CNRIP1: variants seen among roughly 807,000 people sequenced by gnomAD.
CNRIP1 encodes the protein CB1 cannabinoid receptor-interacting protein 1.
Under a neutral mutation model 15.2 loss-of-function variants are expected in CNRIP1, and 10 were observed. The ratio of observed to expected loss-of-function variants is 0.66; its 90% CI spans 0.41 to 1.12. CNRIP1 has a LOEUF of 1.12. CNRIP1 is among the 50% of genes most tolerant of loss of function. The pLI, the probability that CNRIP1 is intolerant of heterozygous loss-of-function variation, is 0.00. For synonymous variants in CNRIP1, 91 were observed against 83.2 expected (o/e 1.09, Z -0.51); for missense variants, 211 against 214.7 (o/e 0.98, Z 0.11).
At chr2:68,306,750 C>A (rs911042838) in intron 2 of CNRIP1, among the ~76,000 whole-genome samples, 6 of 148,718 alleles carry the variant, frequency 4.0e-5, no homozygotes, top group Non-Finnish European at 7.4e-5. Context: ...CATTGTACCA[C>A]AGCATGGGTG....
intron 2 of CNRIP1, among the ~76,000 whole-genome samples, chr2:68,306,321 CAAA>C (rs35066190): frequency 2.3e-4 from 20 of 85,730 alleles, no homozygotes; most frequent in Admixed American, 2.6e-4. Flanking sequence ...GATCCTATCT[CAAA>C]AAAAAAAAAA....
chr2:68,290,593 C>T (rs542183497), downstream of CNRIP1, among the ~76,000 whole-genome samples: 1 of 152,270 alleles, frequency 6.6e-6, no homozygotes, highest in Admixed American at 6.5e-5. Context: ...TCTGCCTCTA[C>T]AAATTGTCTT....
At chr2:68,309,190 G>T (rs1258440509) in intron 2 of CNRIP1, among the ~76,000 whole-genome samples, 2 of 152,110 alleles carry the variant, frequency 1.3e-5, no homozygotes, top group African/African-American at 4.8e-5. Flanking sequence ...TTGTTTAAGG[G>T]TGTTGTTTTT....
At chr2:68,313,385 C>T (rs1201317243) in intron 2 of CNRIP1, among the ~76,000 whole-genome samples, 1 of 152,118 alleles carries the variant, frequency 6.6e-6, no homozygotes, top group Admixed American at 6.5e-5. Context: ...CTCAAATGTT[C>T]ACAGCAGCTT....
chr2:68,296,265 T>G (rs1008694253), intron 2 of CNRIP1, among the ~76,000 whole-genome samples: 1 of 152,228 alleles, frequency 6.6e-6, no homozygotes, highest in African/African-American at 2.4e-5. Flanking sequence ...CAGTTAAAAT[T>G]AAACTTGGCT....
chr2:68,290,656 C>A (rs1488752595), downstream of CNRIP1, among the ~76,000 whole-genome samples: 1 of 152,144 alleles, frequency 6.6e-6, no homozygotes, highest in Non-Finnish European at 1.5e-5. Context: ...ACCAGATCAC[C>A]CCACATGTTA....
intron 2 of CNRIP1, among the ~76,000 whole-genome samples, chr2:68,310,172 A>G (rs1398120250): frequency 6.6e-6 from 1 of 152,184 alleles, no homozygotes; most frequent in Non-Finnish European, 1.5e-5. Flanking sequence ...TAATAAAAAT[A>G]CAAAAATTAG....
intron 2 of CNRIP1, among the ~76,000 whole-genome samples, chr2:68,306,674 G>A (rs1334767891): frequency 2.6e-5 from 4 of 151,822 alleles, no homozygotes; most frequent in East Asian, 3.9e-4. Context: ...CCAGCTACTC[G>A]GGAGGCTGAG....
At chr2:68,304,924 C>T (rs542771431) in intron 2 of CNRIP1, among the ~76,000 whole-genome samples, 92 of 152,116 alleles carry the variant, frequency 6.0e-4, no homozygotes, top group African/African-American at 2.1e-3. Flanking sequence ...TTAAAGTCAC[C>T]AACATTTCAA....
chr2:68,289,672 G>C (rs1264478897), downstream of CNRIP1, among the ~76,000 whole-genome samples: 1 of 152,040 alleles, frequency 6.6e-6, no homozygotes, highest in Non-Finnish European at 1.5e-5. Flanking sequence ...ATAGAGACAT[G>C]GTTTGGCCAT....
At chr2:68,312,595 G>A (rs890294613) in intron 2 of CNRIP1, among the ~76,000 whole-genome samples, 7 of 152,104 alleles carry the variant, frequency 4.6e-5, no homozygotes, top group African/African-American at 1.4e-4. Context: ...GCAGCATACT[G>A]CGAAGGTCCT....
chr2:68,301,718 C>T (rs889664280), intron 2 of CNRIP1, among the ~76,000 whole-genome samples: 1 of 151,816 alleles, frequency 6.6e-6, no homozygotes, highest in Non-Finnish European at 1.5e-5. Context: ...AGTGAAACCC[C>T]GTCTCTACTA....
chr2:68,298,615 G>A (rs10172476), intron 2 of CNRIP1, among the ~76,000 whole-genome samples: 3,892 of 152,252 alleles, frequency 0.026, 167 homozygotes, highest in African/African-American at 0.086. Flanking sequence ...ATATTTAAGT[G>A]TTCATATTAA....
chr2:68,308,088 G>C (rs1428921355), intron 2 of CNRIP1, among the ~76,000 whole-genome samples: 2 of 152,090 alleles, frequency 1.3e-5, no homozygotes, highest in African/African-American at 4.8e-5. Flanking sequence ...AGCTATTCAG[G>C]AGTCTGAGGC....
chr2:68,304,092 C>A lies in CNRIP1; in HGVS notation c.331-10066G>T, dbSNP rs200503451. Among the ~76,000 whole-genome samples, 1,258 of 147,210 alleles carry A rather than the reference C, an allele frequency of 8.5e-3. 29 individuals are homozygous for A. Among genetic ancestry groups the A allele is most frequent in the African/African-American group, 0.03 (1,206 of 40,002 alleles). Reference sequence around the variant, plus strand: ...ACTGTCTAAAAACAAACAAAAAAAACAAACAAAAAAGCCAGCCAGGTGCAG... The same window carrying A: ...ACTGTCTAAAAACAAACAAAAAAAAAAAACAAAAAAGCCAGCCAGGTGCAG... On this transcript the variant is annotated intron_variant, in intron 2 of 2. Transcript: ENST00000263655.
intron 2 of CNRIP1, 183 bp downstream of exon 2, chr2:68,316,974 T>C: frequency 1.4e-6 from 1 of 740,356 alleles, no homozygotes; most frequent in Non-Finnish European, 2.4e-6. Context: ...CAGTCTGTCA[T>C]GCAAAAGAGC....
In CNRIP1 at chr2:68,319,605, C is replaced by T; in HGVS notation, c.-205G>A. 1.9e-6 allele frequency: 1 copy of T among 520,042 alleles called. No homozygotes were observed. Among genetic ancestry groups the T allele is most frequent in the South Asian group, 2.6e-5 (1 of 37,914 alleles). 32.2% of individuals were successfully genotyped at this position (520,042 alleles called of 1,614,324 possible). ...AGCTCCTTAGGCTGTGGCCCCCCTC[C>T]CCACTCGGCGAGGAAGCGGGCCCAA... is the stretch of plus-strand genomic sequence containing the variant. On this transcript the variant is annotated 5_prime_UTR_variant, in exon 1 of 3. Coordinates refer to ENST00000263655, the MANE Select transcript of CNRIP1 (RefSeq NM_015463.3).
chr2:68,284,447 G>C (rs776521656), exon 3 of CNRIP1: 79 of 1,537,226 alleles, frequency 5.1e-5, no homozygotes, highest in Non-Finnish European at 6.9e-5. Flanking sequence ...ACATTCATAT[G>C]TAAGAGAGAT....
chr2:68,318,424 G>C (rs1672359182), intron 1 of CNRIP1, among the ~76,000 whole-genome samples: 1 of 152,126 alleles, frequency 6.6e-6, no homozygotes, highest in Non-Finnish European at 1.5e-5. Flanking sequence ...TTCCGGGTAG[G>C]CTACTGCATG....
Sources: gnomAD v4.1 joint callset for allele counts (sites outside exome capture counted in the v4.1 genomes callset) on GRCh38, gnomAD v4.1.1 for gene constraint, MANE v1.5 for transcripts, NCBI Gene and HGNC (gene_info 2026-07-23, HGNC 2026-07-21) for gene names.